The following PTPRN2 variants were observed in gnomAD, a reference collection of about 807,000 sequenced individuals.
PTPRN2 encodes the protein receptor-type tyrosine-protein phosphatase N2.
PTPRN2 carries 74 observed loss-of-function variants against 118.8 expected under a neutral mutation model. The ratio of observed to expected loss-of-function variants is 0.62; its 90% CI spans 0.52 to 0.76. The LOEUF is 0.76. PTPRN2 is among the 30% of genes least tolerant of loss of function. PTPRN2 has a pLI of 0.00. For missense variants in PTPRN2, 1,481 were observed against 1,394.4 expected (o/e 1.06, Z -0.99); for synonymous variants, 641 against 608.0 (o/e 1.05, Z -0.80).
Position 157,560,513 on chromosome 7 carries a change from G to A in PTPRN2, c.2902+8389C>T, listed in dbSNP as rs1029002622. Among the ~76,000 whole-genome samples, 9 of 152,166 alleles carry A rather than the reference G, an allele frequency of 5.9e-5. No homozygotes were observed. The highest frequency in any genetic ancestry group is 1.2e-4 in the Non-Finnish European group (8 of 68,014). ...AGCGTTCGTCGTCAGCCCCTTACAC[G>A]GGACAGGGCACTGCAGACCGGCCCG... On this transcript the variant is annotated intron_variant, in intron 21 of 22. Transcript: ENST00000389418. The surrounding 1 kb of genome is among the most constrained non-coding windows in gnomAD (Gnocchi z 6.7).
chr7:157,568,671 C>T (rs1037331685), intron 21 of PTPRN2, among the ~76,000 whole-genome samples: 2 of 151,654 alleles, frequency 1.3e-5, no homozygotes, highest in African/African-American at 4.9e-5. Context: ...GCTCGGCACG[C>T]AGAGGCAGGT....
chr7:158,086,102 C>T (rs1474522489), intron 10 of PTPRN2, among the ~76,000 whole-genome samples: 1 of 152,208 alleles, frequency 6.6e-6, no homozygotes, highest in Non-Finnish European at 1.5e-5. Flanking sequence ...TGGCTCCCTT[C>T]TCCACCAGGC....
intron 2 of PTPRN2, among the ~76,000 whole-genome samples, chr7:158,350,236 T>C (rs931973486): frequency 2.6e-5 from 4 of 152,160 alleles, no homozygotes; most frequent in Non-Finnish European, 4.4e-5. Context: ...CGAGGAGAGA[T>C]GCTCAACATC....
intron 5 of PTPRN2, among the ~76,000 whole-genome samples, chr7:158,189,374 G>A (rs1825579076): frequency 1.3e-5 from 2 of 152,166 alleles, no homozygotes; most frequent in African/African-American, 4.8e-5. Flanking sequence ...CATGATGATG[G>A]GTTCAAAATG....
At chr7:158,359,563 C>T (rs574625787) in intron 2 of PTPRN2, among the ~76,000 whole-genome samples, 25 of 152,246 alleles carry the variant, frequency 1.6e-4, no homozygotes, top group South Asian at 1.5e-3. Flanking sequence ...TTCAGCAACA[C>T]CGCGACACTC....
chr7:158,493,291 T>C (rs1245121320), intron 1 of PTPRN2, among the ~76,000 whole-genome samples: 1 of 152,140 alleles, frequency 6.6e-6, no homozygotes, highest in Non-Finnish European at 1.5e-5. Flanking sequence ...ACATGCACAC[T>C]CATACATGCA....
rs560329068 is a variant in PTPRN2 at position 157,692,721 on chromosome 7, A to G, written c.1789-9784T>C. ...CTCGGCGGGGGCGCGAGAGGCGAGA[A>G]ACTGCGGCGTCACTGGCGTCCTCTG... is the stretch of plus-strand genomic sequence containing the variant. On this transcript the variant is annotated intron_variant, in intron 12 of 22. Coordinates refer to ENST00000389418, the MANE Select transcript of PTPRN2 (RefSeq NM_002847.5). Among the ~76,000 whole-genome samples the G allele has an allele frequency of 2.5e-4, 38 of 152,074 alleles. No individual in the cohort carries two copies. The East Asian group carries it at 6.6e-3, about 27-fold the overall frequency.
rs899634060 is a variant in PTPRN2, at chr7:158,565,288, G to C, written c.112+22270C>G. Among the ~76,000 whole-genome samples the C allele has an allele frequency of 1.3e-5, 2 of 152,218 alleles. No individual in the cohort carries two copies. Among genetic ancestry groups the C allele is most frequent in the African/African-American group, 2.4e-5 (1 of 41,458 alleles). On this transcript the variant is annotated intron_variant, in intron 1 of 22. Transcript: ENST00000389418. The surrounding 1 kb of genome is among the most constrained non-coding windows in gnomAD (Gnocchi z 4.6). ...TTATCAGAATGGAACTAAATATGCAGCTTTTAAATACAACCACACCAAAGG... is the reference window on the plus strand; with the variant it reads ...TTATCAGAATGGAACTAAATATGCACCTTTTAAATACAACCACACCAAAGG...
intron 11 of PTPRN2, among the ~76,000 whole-genome samples, chr7:158,075,235 G>C (rs1372961336): frequency 1.3e-5 from 2 of 152,116 alleles, no homozygotes; most frequent in African/African-American, 2.4e-5. Context: ...GGAGTCATGG[G>C]GTGCAGCTCC....
At chr7:157,955,209 A>T (rs149978187) in intron 11 of PTPRN2, among the ~76,000 whole-genome samples, 86 of 152,302 alleles carry the variant, frequency 5.6e-4, no homozygotes, top group African/African-American at 1.9e-3. Flanking sequence ...CTATCCAGGC[A>T]CATCTCTTCA....
At chr7:157,613,274 G>A (rs1049945535) in intron 15 of PTPRN2, among the ~76,000 whole-genome samples, 2 of 152,244 alleles carry the variant, frequency 1.3e-5, no homozygotes, top group Admixed American at 1.3e-4. Flanking sequence ...CTTCGTTTCC[G>A]CTGTCAGCTC....
intron 4 of PTPRN2, among the ~76,000 whole-genome samples, chr7:158,201,763 T>G (rs191668430): frequency 1.1e-4 from 17 of 152,284 alleles, no homozygotes; most frequent in Admixed American, 3.9e-4. Flanking sequence ...ACTCAACGAG[T>G]TGTCAACCAG....
rs1397406027 is a variant in PTPRN2 at position 157,974,682 on chromosome 7, G to A, written c.1724-75945C>T. 6.6e-6 allele frequency among the ~76,000 whole-genome samples: 1 copy of A among 151,946 alleles called. No individual in the cohort carries two copies. The highest frequency in any genetic ancestry group is 1.5e-5 in the Non-Finnish European group (1 of 67,970). ...GGTAAGACACAGAGGGCAGGGGCTG[G>A]GGTGGGCAGGGCTCCATGGGAAGAC... is the stretch of plus-strand genomic sequence containing the variant. On this transcript the variant is annotated intron_variant, in intron 11 of 22. Transcript: ENST00000389418. The surrounding 1 kb of genome is among the most constrained non-coding windows in gnomAD (Gnocchi z 4.0).
rs759010179 is a variant in PTPRN2, at chr7:157,676,387, C to G, written c.2001+6338G>C. Among the ~76,000 whole-genome samples, 1 of 152,200 alleles carries G rather than the reference C, an allele frequency of 6.6e-6. No individual in the cohort carries two copies. Among genetic ancestry groups the G allele is most frequent in the Admixed American group, 6.5e-5 (1 of 15,280 alleles). ...CCAAGGATTTGATTTCAGTTTCACA[C>G]GAATCACCTCCTAGTGATGCGTGGA... On this transcript the variant is annotated intron_variant, in intron 13 of 22. Coordinates refer to ENST00000389418, the MANE Select transcript of PTPRN2 (RefSeq NM_002847.5). The surrounding 1 kb of genome is among the most constrained non-coding windows in gnomAD (Gnocchi z 5.6).
chr7:157,935,900 G>A lies in PTPRN2; in HGVS notation c.1724-37163C>T, dbSNP rs796127173. Among the ~76,000 whole-genome samples, 5 of 136,350 alleles carry A rather than the reference G, an allele frequency of 3.7e-5. No individual in the cohort carries two copies. The South Asian group carries it at 7.8e-4, about 21-fold the overall frequency. 89.5% of individuals were successfully genotyped at this position (136,350 alleles called of 152,430 possible). A position where few individuals can be genotyped will look rare whatever the true frequency, so the allele number is the denominator to read the frequency against. ...TCTAGCCATCCTCAGCATCTGTGTC[G>A]CTCCCTCAGGGGGGTCTAGCCATCC... On this transcript the variant is annotated intron_variant, in intron 11 of 22. Coordinates refer to ENST00000389418, the MANE Select transcript of PTPRN2 (RefSeq NM_002847.5).
chr7:157,817,089 G>A (rs550362931), intron 12 of PTPRN2, among the ~76,000 whole-genome samples: 15 of 152,314 alleles, frequency 9.8e-5, no homozygotes, highest in Non-Finnish European at 1.6e-4. Context: ...CGGGGGTGTC[G>A]GCATGGGAGC....
chr7:158,326,512 T>G (rs959643473), intron 2 of PTPRN2, among the ~76,000 whole-genome samples: 1 of 152,220 alleles, frequency 6.6e-6, no homozygotes, highest in South Asian at 2.1e-4. Context: ...GCACACACAA[T>G]GTATGCAGAC....
At chr7:158,488,976 C>T (rs1394754168) in intron 2 of PTPRN2, among the ~76,000 whole-genome samples, 1 of 152,248 alleles carries the variant, frequency 6.6e-6, no homozygotes, top group Non-Finnish European at 1.5e-5. Flanking sequence ...GTGGCGTCTG[C>T]CCTGGGAGAT....
In PTPRN2 at chr7:158,333,637, C is replaced by A. The variant is rs1356731835; in HGVS notation, c.164-16705G>T. Among the ~76,000 whole-genome samples, 4 of 151,718 alleles carry A rather than the reference C, an allele frequency of 2.6e-5. No homozygotes were observed. The East Asian group carries it at 7.8e-4, about 30-fold the overall frequency. ...TAAGAGGTGACACCTACAGACATCA[C>A]TCACACCCACATTCTCACCATAAGA... On this transcript the variant is annotated intron_variant, in intron 2 of 22. Transcript: ENST00000389418.
Sources: gnomAD v4.1 joint callset for allele counts (sites outside exome capture counted in the v4.1 genomes callset) on GRCh38, gnomAD v4.1.1 for gene constraint, Gnocchi (gnomAD v3.1) non-coding constraint, MANE v1.5 for transcripts, NCBI Gene and HGNC (gene_info 2026-07-23, HGNC 2026-07-21) for gene names.